Variants in BRAF observed in about 807,000 individuals in gnomAD.
The protein encoded by BRAF is serine/threonine-protein kinase B-raf.
In BRAF, 16 loss-of-function variants were observed where a neutral mutation model predicts 104.6. The ratio of observed to expected loss-of-function variants is 0.15; its 90% CI spans 0.10 to 0.23. BRAF has a LOEUF of 0.23. BRAF is among the 10% of genes least tolerant of loss of function. BRAF has a pLI of 1.00. For missense variants in BRAF, 541 were observed against 937.3 expected (o/e 0.58, Z 5.52); for synonymous variants, 310 against 341.6 (o/e 0.91, Z 1.02).
intron 3 of BRAF, among the ~76,000 whole-genome samples, chr7:140,820,081 T>C (rs1394617028): frequency 6.6e-6 from 1 of 151,998 alleles, no homozygotes; most frequent in Non-Finnish European, 1.5e-5. Context: ...ATCAGGTGAG[T>C]CTAATATTTT....
intron 1 of BRAF, among the ~76,000 whole-genome samples, chr7:140,863,350 TG>T (rs1810612835): frequency 6.6e-6 from 1 of 152,136 alleles, no homozygotes; most frequent in South Asian, 2.1e-4. Context: ...TGTGGCTATA[TG>T]GTAAGCAAGG....
chr7:140,758,619 T>A (rs1305990659), intron 14 of BRAF, among the ~76,000 whole-genome samples: 3 of 152,116 alleles, frequency 2.0e-5, no homozygotes, highest in Non-Finnish European at 4.4e-5. Context: ...CATGCCTGGA[T>A]AATTAAAAAA....
chr7:140,772,864 C>CT (rs1294287059), intron 14 of BRAF, among the ~76,000 whole-genome samples: 1 of 151,928 alleles, frequency 6.6e-6, no homozygotes, highest in Non-Finnish European at 1.5e-5. Flanking sequence ...AGTTTTAAAA[C>CT]TTTTTTTGCT....
intron 2 of BRAF, among the ~76,000 whole-genome samples, chr7:140,841,886 G>GA (rs559930367): frequency 2.0e-5 from 3 of 151,634 alleles, no homozygotes; most frequent in Non-Finnish European, 4.4e-5. Flanking sequence ...AAACAGAAGG[G>GA]AAAAAAATCT....
chr7:140,914,763 G>A (rs1005870694), intron 1 of BRAF, among the ~76,000 whole-genome samples: 5 of 152,108 alleles, frequency 3.3e-5, no homozygotes, highest in Admixed American at 1.3e-4. Context: ...TAATCAGCCA[G>A]GCACGGTGGC....
chr7:140,924,558 G>T lies in BRAF; in HGVS notation c.138+8C>A. ...TCGGGAGGGCGGCAGGGTGGCGCCA[G>T]CACTCACCTCCTCCGGAATGGCAGG... On this transcript the variant is annotated splice_region_variant and intron_variant, in intron 1 of 19. Transcript: ENST00000644969. This position sits in a 1 kb window ranked among gnomAD's most constrained non-coding sequence, Gnocchi z 4.2. 1.3e-6 allele frequency: 2 copies of T among 1,529,818 alleles called. No homozygotes were observed. The highest frequency in any genetic ancestry group is 1.7e-6 in the Non-Finnish European group (2 of 1,144,084). The allele number at this position is 1,529,818 out of a possible 1,614,324, so 94.8% of individuals were successfully genotyped here.
chr7:140,751,631 C>A lies in BRAF; in HGVS notation c.1980+1644G>T, dbSNP rs1008755879. ...GACTTAGAGGAGGTTAAGAAACTTG[C>A]AGGTTAATGGCCAAATAGGGTACCA... On this transcript the variant is annotated intron_variant, in intron 16 of 19. Transcript: ENST00000644969. Among the ~76,000 whole-genome samples the A allele has an allele frequency of 5.3e-5, 8 of 152,276 alleles. No homozygotes were observed. The East Asian group carries it at 1.5e-3, about 29-fold the overall frequency.
intron 19 of BRAF, among the ~76,000 whole-genome samples, chr7:140,728,384 A>G (rs1030838617): frequency 6.6e-6 from 1 of 152,208 alleles, no homozygotes; most frequent in South Asian, 2.1e-4. Context: ...CCCAATCTGA[A>G]TACAACTACT....
chr7:140,872,225 A>T (rs1811680410), intron 1 of BRAF, among the ~76,000 whole-genome samples: 1 of 151,840 alleles, frequency 6.6e-6, no homozygotes, highest in South Asian at 2.1e-4. Flanking sequence ...CAAAATAAAT[A>T]AATAAATAAA....
At chr7:140,822,492 G>A (rs1175090997) in intron 3 of BRAF, 1 of 152,176 alleles carries the variant, frequency 6.6e-6, no homozygotes, top group Non-Finnish European at 1.5e-5. Flanking sequence ...CACTATAGAA[G>A]AGTTTGCATT....
chr7:140,751,909 T>C (rs1364957153), intron 16 of BRAF, among the ~76,000 whole-genome samples: 1 of 152,206 alleles, frequency 6.6e-6, no homozygotes, highest in African/African-American at 2.4e-5. Context: ...AAGCTTAGAA[T>C]TGCACTAAGA....
At chr7:140,810,557 G>A (rs1473968873) in intron 3 of BRAF, among the ~76,000 whole-genome samples, 3 of 152,072 alleles carry the variant, frequency 2.0e-5, no homozygotes, top group Non-Finnish European at 2.9e-5. Flanking sequence ...GTGACAGAGC[G>A]AGATACTGTC....
At chr7:140,787,991 A>G (rs893667496) in intron 8 of BRAF, among the ~76,000 whole-genome samples, 2 of 152,190 alleles carry the variant, frequency 1.3e-5, no homozygotes, top group African/African-American at 4.8e-5. Context: ...TGGAGGGTGG[A>G]TGGTAAAAGG....
At position 140,924,636 on chromosome 7, in the gene BRAF, A is replaced by T. The variant is rs746778122; in HGVS notation, c.68T>A (p.Met23Lys). 2.3e-5 allele frequency: 35 copies of T among 1,490,644 alleles called. No homozygotes were observed. The South Asian group carries it at 4.2e-4, about 18-fold the overall frequency. The allele number at this position is 1,490,644 out of a possible 1,614,324, so 92.3% of individuals were successfully genotyped here. A position where few individuals can be genotyped will look rare whatever the true frequency, so the allele number is the denominator to read the frequency against. ...GGCGCCGGCGCCGGCCTCGGGCTCC[A>T]TGTCCCCGTTGAACAGAGCCTGGCC... ...EPGQALFNGD[M>K]EPEAGAGAGA... The change falls in exon 1 of 20, where the codon ATG becomes AAG. Residue 23 changes from methionine to lysine, a missense_variant. Physicochemically the swap from Met to Lys is moderately conservative, Grantham distance 95. This residue lies in a region of BRAF where 82 missense variants were observed against 65.9 expected (regional missense o/e 1.24). Coordinates refer to ENST00000644969, the MANE Select transcript of BRAF (RefSeq NM_001374258.1). This position sits in a 1 kb window ranked among gnomAD's most constrained non-coding sequence, Gnocchi z 4.2.
At chr7:140,770,307 C>T (rs1192840038) in intron 14 of BRAF, among the ~76,000 whole-genome samples, 1 of 151,996 alleles carries the variant, frequency 6.6e-6, no homozygotes, top group East Asian at 1.9e-4. Flanking sequence ...ACTGGGTTCA[C>T]TTATGAGTAA....
chr7:140,826,382 CAG>C (rs1806053541), intron 3 of BRAF, among the ~76,000 whole-genome samples: 1 of 152,156 alleles, frequency 6.6e-6, no homozygotes, highest in African/African-American at 2.4e-5. Flanking sequence ...AAATTTCAGA[CAG>C]AAAATCTGAA....
At chr7:140,889,629 C>G (rs946411328) in intron 1 of BRAF, among the ~76,000 whole-genome samples, 1 of 151,928 alleles carries the variant, frequency 6.6e-6, no homozygotes, top group African/African-American at 2.4e-5. Context: ...AAAATCCTAA[C>G]TAAAAGGAAA....
chr7:140,738,887 A>T (rs1010397674), intron 18 of BRAF, among the ~76,000 whole-genome samples: 4 of 151,370 alleles, frequency 2.6e-5, no homozygotes, highest in Non-Finnish European at 4.4e-5. Context: ...AAGTGTTGAG[A>T]TTTGTAAGCC....
At chr7:140,766,040 G>T (rs569528334) in intron 14 of BRAF, among the ~76,000 whole-genome samples, 1 of 151,676 alleles carries the variant, frequency 6.6e-6, no homozygotes, top group Admixed American at 6.5e-5. Context: ...GCAAAGACTT[G>T]GAACCAACCC....
Sources: gnomAD v4.1 joint callset for allele counts (sites outside exome capture counted in the v4.1 genomes callset) on GRCh38, gnomAD v4.1.1 for gene constraint, gnomAD v4.1.1 regional missense constraint, Gnocchi (gnomAD v3.1) non-coding constraint, MANE v1.5 for transcripts, NCBI Gene and HGNC (gene_info 2026-07-23, HGNC 2026-07-21) for gene names.